UNC5D: variants seen among roughly 807,000 people sequenced by gnomAD.
UNC5D encodes netrin receptor UNC5D.
In UNC5D, 39 loss-of-function variants were observed where a neutral mutation model predicts 105.4. The ratio of observed to expected loss-of-function variants is 0.37; its 90% confidence interval spans 0.29 to 0.48. The LOEUF (loss-of-function observed/expected upper bound fraction) is 0.48. Among genes scored for constraint, UNC5D ranks in the 20% least tolerant of loss-of-function variants. The pLI is 0.98. For synonymous variants in UNC5D, 452 were observed against 450.4 expected, an observed-to-expected ratio of 1.00 and a Z score of -0.04; for missense variants, 991 against 1,202.4, an observed-to-expected ratio of 0.82 and a Z score of 2.60.
chr8:35,646,004 CAG>C (rs1319321900), intron 4 of UNC5D, among the ~76,000 whole-genome samples: 1 of 152,096 alleles, frequency 6.6e-6, no homozygotes, highest in African/African-American at 2.4e-5. Context: ...TTAAGTTCAG[CAG>C]AGACTGTCAA....
chr8:35,559,097 T>A (rs1043641226), intron 2 of UNC5D, among the ~76,000 whole-genome samples: 2 of 152,174 alleles, frequency 1.3e-5, no homozygotes, highest in Non-Finnish European at 2.9e-5. Context: ...AGTAATTCTT[T>A]GGGACTTTGT....
intron 1 of UNC5D, among the ~76,000 whole-genome samples, chr8:35,249,296 G>T (rs1335293902): frequency 6.7e-6 from 1 of 149,708 alleles, no homozygotes; most frequent in Non-Finnish European, 1.5e-5. Context: ...GGTGGCTCAC[G>T]CCTGTAATCC....
chr8:35,770,103 T>C (rs770842183), intron 15 of UNC5D, among the ~76,000 whole-genome samples: 5 of 152,124 alleles, frequency 3.3e-5, no homozygotes, highest in Admixed American at 1.3e-4. Flanking sequence ...CAGGTCTCTA[T>C]TGGTGAGTTA....
intron 1 of UNC5D, among the ~76,000 whole-genome samples, chr8:35,337,776 T>G (rs566310112): frequency 8.6e-5 from 13 of 152,008 alleles, no homozygotes; most frequent in African/African-American, 3.1e-4. Flanking sequence ...AAAAAACAGA[T>G]AGCCAAGGAA....
chr8:35,708,234 T>G (rs568185977), intron 8 of UNC5D, among the ~76,000 whole-genome samples: 1 of 152,230 alleles, frequency 6.6e-6, no homozygotes, highest in South Asian at 2.1e-4. Context: ...AGCTTAGAGT[T>G]GCGGGGAGGT....
At chr8:35,670,851 A>C (rs1045714717) in intron 4 of UNC5D, among the ~76,000 whole-genome samples, 1 of 152,190 alleles carries the variant, frequency 6.6e-6, no homozygotes, top group Non-Finnish European at 1.5e-5. Flanking sequence ...CATTCTGCAC[A>C]TGTATCCTGG....
chr8:35,325,738 C>A (rs948400900), intron 1 of UNC5D, among the ~76,000 whole-genome samples: 10 of 152,116 alleles, frequency 6.6e-5, no homozygotes, highest in African/African-American at 2.4e-4. Flanking sequence ...GCATGATAAA[C>A]CCTCACACAT....
chr8:35,423,494 G>A (rs1166137700), intron 1 of UNC5D, among the ~76,000 whole-genome samples: 4 of 152,170 alleles, frequency 2.6e-5, no homozygotes, highest in African/African-American at 9.7e-5. Context: ...CAGAAACCAT[G>A]TAGCTAATTC....
At position 35,371,782 on chromosome 8, in the gene UNC5D, T is replaced by G. The variant is rs376328098; in HGVS notation, c.103+135895T>G. Among the ~76,000 whole-genome samples, 87 of 152,316 alleles carry G rather than the reference T, an allele frequency of 5.7e-4. 2 individuals are homozygous for G. The highest frequency in any genetic ancestry group is 1.9e-3 in the African/African-American group (81 of 41,580). On this transcript the variant is annotated intron_variant, in intron 1 of 16. Coordinates refer to ENST00000404895, the MANE Select transcript of UNC5D (RefSeq NM_080872.4). ...TTGTTTGTTGGTGTGCTTTTAGTTT[T>G]ATTTGCCTTGCTGTGTATTACGGTG...
chr8:35,745,534 A>T (rs779226551), intron 11 of UNC5D, among the ~76,000 whole-genome samples: 1 of 152,230 alleles, frequency 6.6e-6, no homozygotes, highest in Non-Finnish European at 1.5e-5. Flanking sequence ...GTCAAAGCGT[A>T]CACTGATGCA....
intron 1 of UNC5D, among the ~76,000 whole-genome samples, chr8:35,426,940 A>T (rs1806294840): frequency 6.6e-6 from 1 of 152,178 alleles, no homozygotes; most frequent in Admixed American, 6.5e-5. Flanking sequence ...TTATTTAAGC[A>T]CATTTATTGA....
Position 35,411,546 on chromosome 8 carries a change from A to G in UNC5D, c.104-137746A>G, listed in dbSNP as rs79766707. 9.2e-3 allele frequency among the ~76,000 whole-genome samples: 1,407 copies of G among 152,180 alleles called. 22 individuals carry two copies. Among genetic ancestry groups the G allele is most frequent in the African/African-American group, 0.032 (1,344 of 41,554 alleles). Reference sequence around the variant, plus strand: ...ATAGTAGACACTTACTAAATTTTTCATGAATTGAATGAAAGATGAAATAAA... The same window carrying G: ...ATAGTAGACACTTACTAAATTTTTCGTGAATTGAATGAAAGATGAAATAAA... On this transcript the variant is annotated intron_variant, in intron 1 of 16. Coordinates refer to ENST00000404895, the MANE Select transcript of UNC5D (RefSeq NM_080872.4).
intron 2 of UNC5D, among the ~76,000 whole-genome samples, chr8:35,562,243 G>A (rs780307733): frequency 8.6e-5 from 13 of 151,994 alleles, no homozygotes; most frequent in African/African-American, 9.6e-5. Context: ...GATATATACC[G>A]CATTTTCTTC....
At chr8:35,619,974 A>T (rs1821259779) in intron 4 of UNC5D, among the ~76,000 whole-genome samples, 1 of 152,212 alleles carries the variant, frequency 6.6e-6, no homozygotes, top group African/African-American at 2.4e-5. Flanking sequence ...GCAGCCTGTA[A>T]GCATGACTGC....
rs150613123 is a variant in UNC5D, at chr8:35,579,903, C to A, written c.466+11662C>A. On this transcript the variant is annotated intron_variant, in intron 3 of 16. Transcript: ENST00000404895. ...GGGAGCAAGAGTCAACTCAAGGAAGCTTTGCACCAATCTTTGAGAGTGTTG... is the reference window on the plus strand; with the variant it reads ...GGGAGCAAGAGTCAACTCAAGGAAGATTTGCACCAATCTTTGAGAGTGTTG... 1.3e-3 allele frequency among the ~76,000 whole-genome samples: 200 copies of A among 152,296 alleles called. 1 individual carries two copies. Among genetic ancestry groups the A allele is most frequent in the African/African-American group, 4.6e-3 (191 of 41,558 alleles).
Position 35,793,891 on chromosome 8 carries a change from A to C in UNC5D, c.*3328A>C, listed in dbSNP as rs1485726714. ...TATTATTATTTTTATCTCCAACTGC[A>C]GGTGGTGTCTTTTGCCAAGGTCTCT... On this transcript the variant is annotated 3_prime_UTR_variant, in exon 17 of 17. Transcript: ENST00000404895. The C allele has an allele frequency of 1.3e-5, 2 of 152,156 alleles. No homozygotes were observed. The highest frequency in any genetic ancestry group is 6.6e-5 in the Admixed American group (1 of 15,262). 9.4% of individuals were successfully genotyped at this position (152,156 alleles called of 1,614,324 possible). A position where few individuals can be genotyped will look rare whatever the true frequency, so the allele number is the denominator to read the frequency against.
chr8:35,750,014 A>G (rs536908286), intron 12 of UNC5D, among the ~76,000 whole-genome samples: 1 of 149,820 alleles, frequency 6.7e-6, no homozygotes, highest in Admixed American at 6.6e-5. Flanking sequence ...TTGCTTATTG[A>G]TAAGATTTAA....
chr8:35,784,560 C>A lies in UNC5D; in HGVS notation c.2658-5799C>A, dbSNP rs370973915. 1.2e-3 allele frequency among the ~76,000 whole-genome samples: 186 copies of A among 152,198 alleles called. 1 individual carries two copies. Among genetic ancestry groups the A allele is most frequent in the African/African-American group, 4.1e-3 (169 of 41,526 alleles). On this transcript the variant is annotated intron_variant, in intron 16 of 16. Coordinates refer to ENST00000404895, the MANE Select transcript of UNC5D (RefSeq NM_080872.4). ...GCCAGGAGTTCGAGACCAGCCTGTGCAACATGGCGAAATCCTGTATCTACT... is the reference window on the plus strand; with the variant it reads ...GCCAGGAGTTCGAGACCAGCCTGTGAAACATGGCGAAATCCTGTATCTACT...
intron 7 of UNC5D, among the ~76,000 whole-genome samples, chr8:35,703,686 T>A (rs940044671): frequency 1.5e-4 from 23 of 152,340 alleles, no homozygotes; most frequent in African/African-American, 5.5e-4. Context: ...TCACCTGTTT[T>A]TAATGGAGTT....
Sources: gnomAD v4.1 joint callset for allele counts (sites outside exome capture counted in the v4.1 genomes callset) on GRCh38, gnomAD v4.1.1 for gene constraint, MANE v1.5 for transcripts, NCBI Gene and HGNC (gene_info 2026-07-23, HGNC 2026-07-21) for gene names.